The following USP43 variants were observed in gnomAD, a reference collection of about 807,000 sequenced individuals.
The protein encoded by USP43 is ubiquitin carboxyl-terminal hydrolase 43.
Under a neutral mutation model 90.7 loss-of-function variants are expected in USP43, and 33 were observed. That is an observed-to-expected ratio of 0.36 (90% CI 0.28 to 0.49). The LOEUF (loss-of-function observed/expected upper bound fraction) is 0.49, where lower values mean the gene tolerates loss of function less well. USP43 is among the 20% of genes least tolerant of loss of function. The probability of loss-of-function intolerance (pLI) is 0.98; values close to 1 mark genes in which losing one functional copy is unlikely to be tolerated. For missense variants in USP43, 1,274 were observed against 1,476.4 expected, an observed-to-expected ratio of 0.86 and a Z score of 2.25; for synonymous variants, 598 against 615.8, an observed-to-expected ratio of 0.97 and a Z score of 0.43.
chr17:9,667,764 C>CTG (rs112553838), intron 3 of USP43, among the ~76,000 whole-genome samples: 144 of 152,192 alleles, frequency 9.5e-4, no homozygotes, highest in African/African-American at 3.3e-3. Context: ...AGATGCTTGC[C>CTG]TGTGTGTGTA....
chr17:9,689,573 G>C (rs369746774), intron 8 of USP43, among the ~76,000 whole-genome samples: 1 of 151,970 alleles, frequency 6.6e-6, no homozygotes, highest in Non-Finnish European at 1.5e-5. Context: ...CATCATGCCT[G>C]GTTAATTATT....
At chr17:9,672,197 A>T (rs1360491807) in intron 3 of USP43, among the ~76,000 whole-genome samples, 1 of 152,092 alleles carries the variant, frequency 6.6e-6, no homozygotes, top group African/African-American at 2.4e-5. Context: ...GGGTTTCACC[A>T]TGTTGACCGG....
At chr17:9,700,957 T>C (rs547578203) in intron 10 of USP43, among the ~76,000 whole-genome samples, 162 bp from the exon 11 acceptor site, 4 of 152,266 alleles carry the variant, frequency 2.6e-5, no homozygotes, top group African/African-American at 9.6e-5. Flanking sequence ...AATATAGTGC[T>C]GAGTCAGAAG....
chr17:9,666,144 T>C (rs750319033), intron 2 of USP43, among the ~76,000 whole-genome samples: 1 of 152,066 alleles, frequency 6.6e-6, no homozygotes, highest in Non-Finnish European at 1.5e-5. Flanking sequence ...GTGTACCAAA[T>C]TGAAAAACGA....
chr17:9,688,282 C>T (rs538549477), intron 8 of USP43, among the ~76,000 whole-genome samples: 20 of 151,730 alleles, frequency 1.3e-4, no homozygotes, highest in African/African-American at 2.2e-4. Flanking sequence ...CCACCGTGCC[C>T]GGCCAGATGA....
chr17:9,712,602 G>T (rs2151995638), intron 14 of USP43, among the ~76,000 whole-genome samples: 1 of 152,268 alleles, frequency 6.6e-6, no homozygotes, highest in Admixed American at 6.5e-5. Flanking sequence ...CCAGGGTGAA[G>T]GCTGGGAGTG....
Position 9,689,609 on chromosome 17 carries a change from T to C in USP43, c.1353+2700T>C, listed in dbSNP as rs118141346. ...TTAATTTTTTTGCAGTGATAGGGTC[T>C]CACTGTGTTGCCCAGGTTGGTCTTG... On this transcript the variant is annotated intron_variant, in intron 8 of 14. Transcript: ENST00000285199. 2.2e-3 allele frequency among the ~76,000 whole-genome samples: 335 copies of C among 152,216 alleles called. 6 individuals are homozygous for C. In the East Asian group the frequency reaches 0.053, roughly 24 times the overall value.
chr17:9,662,966 C>T (rs1214028050), intron 2 of USP43, among the ~76,000 whole-genome samples: 1 of 151,826 alleles, frequency 6.6e-6, no homozygotes, highest in South Asian at 2.1e-4. Flanking sequence ...TACAGGTGTG[C>T]ACCACCACAC....
intron 12 of USP43, among the ~76,000 whole-genome samples, chr17:9,703,288 C>T (rs1288396412): frequency 2.0e-5 from 3 of 152,032 alleles, no homozygotes; most frequent in East Asian, 1.9e-4. Context: ...CCATGCTGAA[C>T]GTGCTGCCTC....
At chr17:9,657,913 A>G (rs1289232327) in intron 2 of USP43, among the ~76,000 whole-genome samples, 1 of 112,454 alleles carries the variant, frequency 8.9e-6, no homozygotes, top group African/African-American at 4.7e-5. Context: ...CTGCTGTAAT[A>G]GAAGAGAAGT....
intron 2 of USP43, among the ~76,000 whole-genome samples, chr17:9,659,707 T>C (rs957309425): frequency 1.3e-5 from 2 of 152,132 alleles, no homozygotes; most frequent in African/African-American, 4.8e-5. Context: ...AAGGCATTGA[T>C]TGGGCTTAAG....
chr17:9,714,083 C>T (rs1471942273), intron 14 of USP43, among the ~76,000 whole-genome samples: 2 of 152,176 alleles, frequency 1.3e-5, no homozygotes, highest in Non-Finnish European at 2.9e-5. Context: ...GCTTTGTGTT[C>T]CTATGAGAAT....
intron 8 of USP43, among the ~76,000 whole-genome samples, chr17:9,690,782 G>T (rs2151981598): frequency 6.6e-6 from 1 of 152,214 alleles, no homozygotes; most frequent in Admixed American, 6.5e-5. Flanking sequence ...CTACTCGGGA[G>T]GCTGAGGCAA....
intron 7 of USP43, among the ~76,000 whole-genome samples, chr17:9,685,161 A>G (rs1173401322): frequency 2.0e-5 from 3 of 152,190 alleles, no homozygotes; most frequent in East Asian, 1.9e-4. Flanking sequence ...GCCTGTCCAG[A>G]CAGATCACCT....
At chr17:9,658,031 A>C (rs1912384161) in intron 2 of USP43, among the ~76,000 whole-genome samples, 1 of 152,236 alleles carries the variant, frequency 6.6e-6, no homozygotes, top group Admixed American at 6.5e-5. Flanking sequence ...TTTGATAATT[A>C]ATCAATAACA....
rs139372413 is a variant in USP43, at chr17:9,703,950, C to T, written c.2011+2250C>T. Among the ~76,000 whole-genome samples, 23 of 152,268 alleles carry T rather than the reference C, an allele frequency of 1.5e-4. No homozygotes were observed. The East Asian group carries it at 3.7e-3, about 24-fold the overall frequency. Reference sequence around the variant, plus strand: ...CTAGGAAAGGGTGATGGGAGCTTGACCTTTGGAGTGCTTACGTGTCAGGAA... The same window carrying T: ...CTAGGAAAGGGTGATGGGAGCTTGATCTTTGGAGTGCTTACGTGTCAGGAA... On this transcript the variant is annotated intron_variant, in intron 12 of 14. Transcript: ENST00000285199.
At chr17:9,712,259 C>A in intron 14 of USP43, 127 bp downstream of exon 14, 2 of 1,196,016 alleles carry the variant, frequency 1.7e-6, no homozygotes, top group Non-Finnish European at 1.1e-6. Flanking sequence ...GAGGTTTGTT[C>A]ATCTCTTAAA....
intron 3 of USP43, among the ~76,000 whole-genome samples, chr17:9,671,214 T>C (rs1913404796): frequency 6.6e-6 from 1 of 152,220 alleles, no homozygotes; most frequent in Non-Finnish European, 1.5e-5. Context: ...CATCACAGTC[T>C]AAAAATGTCT....
intron 14 of USP43, among the ~76,000 whole-genome samples, chr17:9,720,160 T>C (rs1032171392): frequency 4.0e-5 from 6 of 151,702 alleles, no homozygotes; most frequent in Non-Finnish European, 5.9e-5. Context: ...ACCCCGTCTC[T>C]ACTAAAAACG....
Sources: gnomAD v4.1 joint callset for allele counts (sites outside exome capture counted in the v4.1 genomes callset) on GRCh38, gnomAD v4.1.1 for gene constraint, MANE v1.5 for transcripts, NCBI Gene and HGNC (gene_info 2026-07-23, HGNC 2026-07-21) for gene names.